The following GUCY1A2 variants were observed in gnomAD, a reference collection of about 807,000 sequenced individuals.
The protein encoded by GUCY1A2 is guanylate cyclase soluble subunit alpha-2.
GUCY1A2 carries 27 observed loss-of-function variants against 63.5 expected under a neutral mutation model. The observed-to-expected ratio is 0.43, with a 90% CI of 0.31 to 0.59. GUCY1A2 has a LOEUF of 0.59. Among genes scored for constraint, GUCY1A2 ranks in the 20% least tolerant of loss-of-function variants. The pLI, the probability that GUCY1A2 is intolerant of heterozygous loss-of-function variation, is 0.11. For synonymous variants in GUCY1A2, 364 were observed against 343.5 expected (o/e 1.06, Z -0.66); for missense variants, 768 against 913.3 (o/e 0.84, Z 2.05).
chr11:106,852,504 G>A (rs1859369866), intron 4 of GUCY1A2, among the ~76,000 whole-genome samples: 1 of 151,948 alleles, frequency 6.6e-6, no homozygotes, highest in South Asian at 2.1e-4. Flanking sequence ...CTAATTTGTT[G>A]AGTCTTTAAC....
Position 107,017,965 on chromosome 11 carries a change from G to T in GUCY1A2, c.91C>A (p.Leu31Met). Residue 31 changes from leucine to methionine, a missense_variant, in exon 1 of 8, where the codon CTG (leucine) becomes ATG (methionine). Coordinates refer to ENST00000526355, the MANE Select transcript of GUCY1A2 (RefSeq NM_000855.3). Reference sequence around the variant, plus strand: ...CTGCCATTCCAGCAGAGCCTAGACAGGGGGCACTCCCCCTCCTCCTCCGGG... The same window carrying T: ...CTGCCATTCCAGCAGAGCCTAGACATGGGGCACTCCCCCTCCTCCTCCGGG... ...TSPEEEGECP[L>M]SRLCWNGSRS... 1 of 1,436,874 alleles carries T rather than the reference G, an allele frequency of 7.0e-7. No individual in the cohort carries two copies. Among genetic ancestry groups the T allele is most frequent in the Non-Finnish European group, 9.2e-7 (1 of 1,082,778 alleles). 89.0% of individuals were successfully genotyped at this position (1,436,874 alleles called of 1,614,324 possible).
At chr11:106,871,487 T>C (rs1349718170) in intron 4 of GUCY1A2, among the ~76,000 whole-genome samples, 2 of 152,098 alleles carry the variant, frequency 1.3e-5, no homozygotes, top group Non-Finnish European at 2.9e-5. Context: ...ATCCTTGCTG[T>C]CCCTATGCTT....
intron 6 of GUCY1A2, among the ~76,000 whole-genome samples, chr11:106,767,401 C>T (rs2135396092): frequency 6.6e-6 from 1 of 152,108 alleles, no homozygotes; most frequent in South Asian, 2.1e-4. Flanking sequence ...ACTATTCTTT[C>T]TTGTAGCATA....
chr11:106,888,771 G>A (rs143063433), intron 4 of GUCY1A2, among the ~76,000 whole-genome samples: 3 of 152,232 alleles, frequency 2.0e-5, no homozygotes, highest in African/African-American at 7.2e-5. Flanking sequence ...TACTTCCTTT[G>A]ATCACTGGAA....
At chr11:106,774,848 CTCT>C (rs1162956198) in intron 6 of GUCY1A2, among the ~76,000 whole-genome samples, 2 of 152,168 alleles carry the variant, frequency 1.3e-5, no homozygotes, top group African/African-American at 2.4e-5. Context: ...ACTTTGTTCT[CTCT>C]TCTTTTCTTA....
chr11:106,971,385 T>C (rs906292635), intron 3 of GUCY1A2, among the ~76,000 whole-genome samples: 1 of 152,082 alleles, frequency 6.6e-6, no homozygotes, highest in Non-Finnish European at 1.5e-5. Context: ...GTGGACACTA[T>C]AAAGCTTTAT....
chr11:106,984,118 G>A (rs1006227309), intron 2 of GUCY1A2, among the ~76,000 whole-genome samples: 5 of 152,170 alleles, frequency 3.3e-5, no homozygotes, highest in Non-Finnish European at 5.9e-5. Context: ...AAAGGCAAAC[G>A]TGACAAAATT....
At chr11:106,811,905 G>A (rs989934607) in intron 4 of GUCY1A2, among the ~76,000 whole-genome samples, 14 of 151,968 alleles carry the variant, frequency 9.2e-5, no homozygotes, top group African/African-American at 3.4e-4. Flanking sequence ...CAGTATGGTG[G>A]AGAACCAAAT....
intron 4 of GUCY1A2, among the ~76,000 whole-genome samples, chr11:106,812,425 T>C (rs1858774362): frequency 6.6e-6 from 1 of 151,750 alleles, no homozygotes; most frequent in Non-Finnish European, 1.5e-5. Context: ...TGTTTGTCTC[T>C]CCTTCTGCTG....
intron 1 of GUCY1A2, 66 bp downstream of exon 1, chr11:107,017,687 A>G: frequency 9.8e-7 from 1 of 1,025,080 alleles, no homozygotes; most frequent in Non-Finnish European, 1.3e-6. Flanking sequence ...CGGCTCGCCC[A>G]GCGCCAACTT....
In GUCY1A2 at chr11:106,980,208, T is replaced by C. The variant is rs142436665; in HGVS notation, c.366-1468A>G. ...GCAAATATGTGAATTTCCCATGGGTTAGGGAAGAGAGAGGCAAGCTTGAGT... is the reference window on the plus strand; with the variant it reads ...GCAAATATGTGAATTTCCCATGGGTCAGGGAAGAGAGAGGCAAGCTTGAGT... On this transcript the variant is annotated intron_variant, in intron 2 of 7. Transcript: ENST00000526355. Among the ~76,000 whole-genome samples the C allele has an allele frequency of 3.5e-3, 533 of 152,250 alleles. 9 individuals carry two copies. The highest frequency in any genetic ancestry group is 0.012 in the African/African-American group (492 of 41,554).
rs60486225 is a variant in GUCY1A2 at position 106,730,059 on chromosome 11, A to AATATATATATATATAT, written c.1837-21409_1837-21394dup. On this transcript the variant is annotated intron_variant, in intron 6 of 7. Coordinates refer to ENST00000526355, the MANE Select transcript of GUCY1A2 (RefSeq NM_000855.3). Reference sequence around the variant, plus strand: ...AAACTGCTTTCTTTAATCAGCATGGAATATATATATATATATATATATATA... The same window carrying AATATATATATATATAT: ...AAACTGCTTTCTTTAATCAGCATGGAATATATATATATATATATATATATATATATATATATATATA... 4.4e-3 allele frequency among the ~76,000 whole-genome samples: 457 copies of AATATATATATATATAT among 103,250 alleles called. 1 individual carries two copies. Among genetic ancestry groups the AATATATATATATATAT allele is most frequent in the Non-Finnish European group, 6.0e-3 (304 of 50,272 alleles). The allele number at this position is 103,250 out of a possible 152,430, so 67.7% of individuals were successfully genotyped here. A position where few individuals can be genotyped will look rare whatever the true frequency, so the allele number is the denominator to read the frequency against.
chr11:107,018,056 G>T lies in GUCY1A2; in HGVS notation c.-1C>A. 6.9e-7 allele frequency: 1 copy of T among 1,453,978 alleles called. No homozygotes were observed. Among genetic ancestry groups the T allele is most frequent in the East Asian group, 3.0e-5 (1 of 33,226 alleles). 90.1% of individuals were successfully genotyped at this position (1,453,978 alleles called of 1,614,324 possible). A position where few individuals can be genotyped will look rare whatever the true frequency, so the allele number is the denominator to read the frequency against. ...CGGACGAAATCTTCCTTCGAGACAT[G>T]CTGCCGGCGGAGCTGCAGCGGCCGA... is the stretch of plus-strand genomic sequence containing the variant. On this transcript the variant is annotated 5_prime_UTR_variant, in exon 1 of 8. Transcript: ENST00000526355.
At chr11:106,700,918 T>G (rs1862807067) in intron 7 of GUCY1A2, among the ~76,000 whole-genome samples, 1 of 152,238 alleles carries the variant, frequency 6.6e-6, no homozygotes, top group South Asian at 2.1e-4. Flanking sequence ...ACATAGTATC[T>G]CATCCTTGTA....
chr11:106,990,583 C>CTGTGTG (rs1397174944), intron 1 of GUCY1A2, among the ~76,000 whole-genome samples: 5 of 151,956 alleles, frequency 3.3e-5, no homozygotes, highest in African/African-American at 9.7e-5. Context: ...GTCTCTCTCT[C>CTGTGTG]TCTGTGTGTG....
intron 6 of GUCY1A2, among the ~76,000 whole-genome samples, chr11:106,758,112 C>G (rs775594001): frequency 6.6e-6 from 1 of 152,172 alleles, no homozygotes; most frequent in Non-Finnish European, 1.5e-5. Context: ...CCACCCAGTT[C>G]GAGCTTACTG....
At chr11:106,906,759 A>C (rs565481581) in intron 4 of GUCY1A2, among the ~76,000 whole-genome samples, 4 of 152,322 alleles carry the variant, frequency 2.6e-5, no homozygotes, top group Admixed American at 1.3e-4. Flanking sequence ...TGCAGCCATA[A>C]AAAGGATGAG....
chr11:106,828,922 T>C lies in GUCY1A2; in HGVS notation c.1207-18444A>G, dbSNP rs1859012913. Reference sequence around the variant, plus strand: ...GAAAGTATTTGTTTTAACAACTTTATTAATGATTTTCCTCCAACATTCGTG... The same window carrying C: ...GAAAGTATTTGTTTTAACAACTTTACTAATGATTTTCCTCCAACATTCGTG... On this transcript the variant is annotated intron_variant, in intron 4 of 7. Transcript: ENST00000526355. 2.0e-5 allele frequency among the ~76,000 whole-genome samples: 3 copies of C among 152,254 alleles called. No homozygotes were observed. In the South Asian group the frequency reaches 6.2e-4, roughly 31 times the overall value.
At chr11:106,900,708 C>T (rs1480648337) in intron 4 of GUCY1A2, among the ~76,000 whole-genome samples, 1 of 152,072 alleles carries the variant, frequency 6.6e-6, no homozygotes, top group African/African-American at 2.4e-5. Context: ...AAGGGAGTCA[C>T]ATGAATTTTT....
Sources: allele counts gnomAD v4.1 joint callset (sites outside exome capture counted in the v4.1 genomes callset), GRCh38; gene constraint gnomAD v4.1.1; transcripts MANE v1.5; gene names NCBI Gene and HGNC (gene_info 2026-07-23, HGNC 2026-07-21).